CLIP1: variants seen among roughly 807,000 people sequenced by gnomAD.
CLIP1 encodes CAP-Gly domain-containing linker protein 1.
CLIP1 carries 66 observed loss-of-function variants against 161.6 expected under a neutral mutation model. The ratio of observed to expected loss-of-function variants is 0.41; its 90% confidence interval spans 0.33 to 0.50. The LOEUF (loss-of-function observed/expected upper bound fraction) is 0.50. Ranked by LOEUF, CLIP1 falls within the 20% of genes least tolerant of loss-of-function variation. The probability of loss-of-function intolerance (pLI) is 0.27; values close to 1 mark genes in which losing one functional copy is unlikely to be tolerated. For synonymous variants in CLIP1, 598 were observed against 626.2 expected, an observed-to-expected ratio of 0.96 and a Z score of 0.67; for missense variants, 1,376 against 1,702.0, an observed-to-expected ratio of 0.81 and a Z score of 3.37.
intron 23 of CLIP1, 27 bp from the exon 24 acceptor site, chr12:122,278,230 A>AAACAAGTGG: frequency 2.6e-6 from 4 of 1,563,576 alleles, no homozygotes; most frequent in Non-Finnish European, 3.5e-6. Context: ...AAAAAAAAAA[A>AAACAAGTGG]ACAAGTGGAG....
intron 20 of CLIP1, among the ~76,000 whole-genome samples, chr12:122,289,798 T>C (rs1592984878): frequency 7.0e-6 from 1 of 143,064 alleles, no homozygotes; most frequent in African/African-American, 2.7e-5. Flanking sequence ...CAACTCACAC[T>C]GTTAATGTTT....
intron 10 of CLIP1, among the ~76,000 whole-genome samples, chr12:122,344,931 T>C (rs1238188198): frequency 6.6e-6 from 1 of 152,156 alleles, no homozygotes; most frequent in African/African-American, 2.4e-5. Context: ...TGGAAAGATA[T>C]AAGCTTTACA....
chr12:122,422,138 G>T (rs573636302), intron 1 of CLIP1, among the ~76,000 whole-genome samples: 28 of 152,176 alleles, frequency 1.8e-4, no homozygotes, highest in African/African-American at 6.3e-4. Flanking sequence ...CCCGGGGTCC[G>T]GCCGATCCCA....
chr12:122,331,122 C>G (rs1386014669), intron 15 of CLIP1, among the ~76,000 whole-genome samples: 1 of 152,036 alleles, frequency 6.6e-6, no homozygotes, highest in African/African-American at 2.4e-5. Flanking sequence ...CCAACTGATT[C>G]TCCTGCCTCA....
At chr12:122,370,174 A>G (rs921734691) in intron 3 of CLIP1, among the ~76,000 whole-genome samples, 4 of 151,544 alleles carry the variant, frequency 2.6e-5, no homozygotes, top group East Asian at 3.9e-4. Flanking sequence ...AAAAAAAAAA[A>G]AAGAAGAAGA....
At position 122,328,042 on chromosome 12, in the gene CLIP1, G is replaced by A. The variant is rs771766351; in HGVS notation, c.3154C>T (p.Leu1052=). Reference sequence around the variant, plus strand: ...CCCTTCAGCTTGTCCTCTGTGTCCAGCAGCGTCTTCTGGAGGTTCTGTAGG... The same window carrying A: ...CCCTTCAGCTTGTCCTCTGTGTCCAACAGCGTCTTCTGGAGGTTCTGTAGG... The part of the protein sequence containing the change: ...EILQNLQKTL[L]DTEDKLKGAR... Residue 1052 remains leucine (L), a synonymous_variant, in exon 17 of 26, where the codon CTG becomes TTG. Coordinates refer to ENST00000620786, the MANE Select transcript of CLIP1 (RefSeq NM_001247997.2). 2 of 1,614,172 alleles carry A rather than the reference G, an allele frequency of 1.2e-6. No homozygotes were observed. The highest frequency in any genetic ancestry group is 1.7e-6 in the Non-Finnish European group (2 of 1,180,044).
chr12:122,338,825 T>C (rs1200107244), intron 11 of CLIP1, among the ~76,000 whole-genome samples: 2 of 152,238 alleles, frequency 1.3e-5, no homozygotes, highest in Admixed American at 1.3e-4. Context: ...CTAAATATTA[T>C]CTTCTAATTA....
intron 1 of CLIP1, among the ~76,000 whole-genome samples, chr12:122,390,319 TTA>T (rs1250653312): frequency 5.0e-4 from 67 of 135,286 alleles, no homozygotes; most frequent in African/African-American, 1.1e-3. Context: ...TATATATATA[TTA>T]TTTTTTTTTT....
intron 20 of CLIP1, among the ~76,000 whole-genome samples, chr12:122,300,262 A>T (rs1950631103): frequency 6.6e-6 from 1 of 152,170 alleles, no homozygotes; most frequent in South Asian, 2.1e-4. Flanking sequence ...AGAGAAAGAC[A>T]TCATCGAAAA....
chr12:122,332,502 C>A (rs1026319642), intron 15 of CLIP1, among the ~76,000 whole-genome samples: 2 of 152,034 alleles, frequency 1.3e-5, no homozygotes, highest in Non-Finnish European at 2.9e-5. Flanking sequence ...CTCACTGCAA[C>A]CTCCACCTCC....
intron 1 of CLIP1, chr12:122,396,592 A>T (rs1444340739): frequency 6.6e-6 from 1 of 152,120 alleles, no homozygotes; most frequent in Non-Finnish European, 1.5e-5. Context: ...GGCAGAAAAA[A>T]AATTCTTTTG....
intron 21 of CLIP1, among the ~76,000 whole-genome samples, chr12:122,286,101 C>T (rs147864334): frequency 1.5e-4 from 23 of 152,222 alleles, no homozygotes; most frequent in East Asian, 3.9e-4. Context: ...TGTTGTGATA[C>T]GCACCTATTT....
At chr12:122,325,284 C>G (rs1032129353) in intron 17 of CLIP1, among the ~76,000 whole-genome samples, 1 of 152,030 alleles carries the variant, frequency 6.6e-6, no homozygotes, top group African/African-American at 2.4e-5. Flanking sequence ...TCTCAAACTC[C>G]TGACCCCAAG....
At chr12:122,383,012 C>A (rs1177541746) in intron 1 of CLIP1, among the ~76,000 whole-genome samples, 1 of 152,168 alleles carries the variant, frequency 6.6e-6, no homozygotes, top group Non-Finnish European at 1.5e-5. Context: ...GTTCCTGCTG[C>A]TGCCTCAGAC....
At chr12:122,330,878 G>A (rs1378322813) in intron 15 of CLIP1, among the ~76,000 whole-genome samples, 1 of 151,584 alleles carries the variant, frequency 6.6e-6, no homozygotes, top group Non-Finnish European at 1.5e-5. Flanking sequence ...TGGCATGACA[G>A]GCCTGAGCCA....
At chr12:122,316,301 G>C (rs1029515552) in intron 19 of CLIP1, among the ~76,000 whole-genome samples, 1 of 151,332 alleles carries the variant, frequency 6.6e-6, no homozygotes, top group Non-Finnish European at 1.5e-5. Context: ...GCCTCAACCT[G>C]CTGGGCTCAA....
At chr12:122,367,721 T>C (rs982370238) in intron 3 of CLIP1, among the ~76,000 whole-genome samples, 2 of 152,178 alleles carry the variant, frequency 1.3e-5, no homozygotes, top group Admixed American at 6.6e-5. Flanking sequence ...ATTTTCAATA[T>C]TGAAACAAAA....
Position 122,370,971 on chromosome 12 carries a change from A to G in CLIP1, c.657+6418T>C, listed in dbSNP as rs982501470. 3.8e-4 allele frequency among the ~76,000 whole-genome samples: 18 copies of G among 47,170 alleles called. No homozygotes were observed. In the African/African-American group the frequency reaches 4.0e-3, roughly 10 times the overall value. The allele number at this position is 47,170 out of a possible 152,430, so 30.9% of individuals were successfully genotyped here. A position where few individuals can be genotyped will look rare whatever the true frequency, so the allele number is the denominator to read the frequency against. On this transcript the variant is annotated intron_variant, in intron 3 of 25. Coordinates refer to ENST00000620786, the MANE Select transcript of CLIP1 (RefSeq NM_001247997.2). ...GGACTCTGTCTCAAAAAAAAAAAAG[A>G]AAAAAAAAAAAATCACCTCTTCTAA...
intron 15 of CLIP1, among the ~76,000 whole-genome samples, chr12:122,332,090 G>A (rs1053302664): frequency 3.9e-5 from 6 of 152,166 alleles, no homozygotes; most frequent in Admixed American, 3.3e-4. Flanking sequence ...GAGGTCAGGA[G>A]TTCGAGACCA....
Sources: allele counts gnomAD v4.1 joint callset (sites outside exome capture counted in the v4.1 genomes callset), GRCh38; gene constraint gnomAD v4.1.1; transcripts MANE v1.5; gene names NCBI Gene and HGNC (gene_info 2026-07-23, HGNC 2026-07-21).